Variants in FAM107B observed in about 807,000 individuals in gnomAD.
The protein encoded by FAM107B is protein FAM107B.
FAM107B carries 21 observed loss-of-function variants against 31.5 expected under a neutral mutation model. The ratio of observed to expected loss-of-function variants is 0.67; its 90% CI spans 0.47 to 0.96. The LOEUF is 0.96. FAM107B is among the 40% of genes least tolerant of loss of function. FAM107B has a pLI of 0.00. For missense variants in FAM107B, 452 were observed against 377.1 expected (o/e 1.20, Z -1.64); for synonymous variants, 157 against 141.5 (o/e 1.11, Z -0.78).
intron 1 of FAM107B, among the ~76,000 whole-genome samples, chr10:14,755,475 A>C (rs6602759): frequency 0.069 from 10,339 of 150,630 alleles, 994 homozygotes; most frequent in African/African-American, 0.21. Flanking sequence ...TGGGAGGCAG[A>C]GGTTGTGTGA....
chr10:14,623,758 G>A (rs1352446534), intron 2 of FAM107B, among the ~76,000 whole-genome samples: 1 of 152,178 alleles, frequency 6.6e-6, no homozygotes, highest in African/African-American at 2.4e-5. Context: ...CCTGGGAGGA[G>A]GAGGCCGCAG....
Position 14,543,691 on chromosome 10 carries a change from TAA to T in FAM107B, c.470-13178_470-13177del, listed in dbSNP as rs11318873. 3.9e-3 allele frequency among the ~76,000 whole-genome samples: 536 copies of T among 138,830 alleles called. 1 individual carries two copies. The highest frequency in any genetic ancestry group is 5.6e-3 in the African/African-American group (209 of 37,052). The allele number at this position is 138,830 out of a possible 152,430, so 91.1% of individuals were successfully genotyped here. On this transcript the variant is annotated intron_variant, in intron 2 of 4. Coordinates refer to ENST00000181796, the MANE Select transcript of FAM107B (RefSeq NM_031453.4). ...GTTCACTATCTGATCCTAAAAACTT[TAA>T]AAAAAAAAAAAAAAAACCAAAAACT...
At chr10:14,679,921 C>T (rs926665084) in intron 1 of FAM107B, among the ~76,000 whole-genome samples, 1 of 152,172 alleles carries the variant, frequency 6.6e-6, no homozygotes, top group Non-Finnish European at 1.5e-5. Context: ...TGCCCTCAAA[C>T]ATCGGACTCC....
At chr10:14,604,726 A>T (rs1339459173) in intron 2 of FAM107B, among the ~76,000 whole-genome samples, 1 of 148,304 alleles carries the variant, frequency 6.7e-6, no homozygotes, top group Non-Finnish European at 1.5e-5. Context: ...CTTTTTTCTC[A>T]CTCCCTCGTT....
chr10:14,768,025 G>A (rs1833220688), intron 1 of FAM107B, among the ~76,000 whole-genome samples: 1 of 151,824 alleles, frequency 6.6e-6, no homozygotes, highest in South Asian at 2.1e-4. Flanking sequence ...CTCTGAAAAG[G>A]AAATTAACAA....
chr10:14,675,215 C>G (rs1048707754), intron 1 of FAM107B, among the ~76,000 whole-genome samples: 3 of 152,164 alleles, frequency 2.0e-5, no homozygotes, highest in African/African-American at 7.2e-5. Context: ...AGACCATCCT[C>G]TCCATGGGAA....
chr10:14,644,445 G>A (rs560378641), intron 2 of FAM107B, among the ~76,000 whole-genome samples: 2 of 152,290 alleles, frequency 1.3e-5, no homozygotes, highest in South Asian at 4.1e-4. Flanking sequence ...TCTTTCATGC[G>A]TATGCTGCCT....
intron 2 of FAM107B, among the ~76,000 whole-genome samples, chr10:14,625,225 GA>G (rs36086660): frequency 0.14 from 16,230 of 117,620 alleles, 1,131 homozygotes; most frequent in Admixed American, 0.3. Context: ...GACTGTCTCA[GA>G]AAAAAAAAAA....
intron 2 of FAM107B, chr10:14,548,481 C>T: frequency 1.0e-6 from 1 of 985,688 alleles, no homozygotes; most frequent in Non-Finnish European, 1.2e-6. Context: ...CTCTGCAGTT[C>T]ACACGAGAAT....
At chr10:14,691,367 A>G (rs1385981911) in intron 1 of FAM107B, among the ~76,000 whole-genome samples, 1 of 152,232 alleles carries the variant, frequency 6.6e-6, no homozygotes, top group Non-Finnish European at 1.5e-5. Context: ...AGTCTAAGAC[A>G]TGATCAAGTG....
chr10:14,598,062 T>C (rs999375004), intron 2 of FAM107B, among the ~76,000 whole-genome samples: 1 of 152,236 alleles, frequency 6.6e-6, no homozygotes, highest in Non-Finnish European at 1.5e-5. Flanking sequence ...TCCCTTAAAC[T>C]TCTCAGATAT....
At chr10:14,591,608 G>T (rs1245168894) in intron 2 of FAM107B, among the ~76,000 whole-genome samples, 1 of 152,206 alleles carries the variant, frequency 6.6e-6, no homozygotes, top group Non-Finnish European at 1.5e-5. Context: ...AGTCATCGAT[G>T]AATGCTAACG....
chr10:14,683,916 C>A (rs1854911085), intron 1 of FAM107B, among the ~76,000 whole-genome samples: 1 of 152,214 alleles, frequency 6.6e-6, no homozygotes. Context: ...CTCTGGAAAA[C>A]AATGCACAGT....
At chr10:14,715,435 T>C (rs1310437718) in intron 1 of FAM107B, among the ~76,000 whole-genome samples, 1 of 152,214 alleles carries the variant, frequency 6.6e-6, no homozygotes, top group Non-Finnish European at 1.5e-5. Flanking sequence ...GAGTTTGTAT[T>C]AGTTATCTAT....
At chr10:14,727,645 G>A (rs1856068433) in intron 1 of FAM107B, among the ~76,000 whole-genome samples, 1 of 152,188 alleles carries the variant, frequency 6.6e-6, no homozygotes, top group South Asian at 2.1e-4. Flanking sequence ...CTTCTTAGAG[G>A]TTCCCTATGG....
intron 1 of FAM107B, among the ~76,000 whole-genome samples, chr10:14,675,486 T>A (rs1234830504): frequency 6.6e-6 from 1 of 152,120 alleles, no homozygotes; most frequent in Non-Finnish European, 1.5e-5. Flanking sequence ...CAAGGCCTGG[T>A]TCCATTTGTC....
chr10:14,571,276 T>G (rs1851202668), intron 2 of FAM107B, among the ~76,000 whole-genome samples: 1 of 152,170 alleles, frequency 6.6e-6, no homozygotes, highest in Admixed American at 6.5e-5. Context: ...TATGCATTTT[T>G]GGGGGTGACA....
chr10:14,774,274 T>C lies in FAM107B; in HGVS notation c.390A>G (p.Pro130=). 2 of 1,611,642 alleles carry C rather than the reference T, an allele frequency of 1.2e-6. No individual in the cohort carries two copies. Among genetic ancestry groups the C allele is most frequent in the Non-Finnish European group, 1.7e-6 (2 of 1,178,184 alleles). Residue 130 remains proline (P), a synonymous_variant, in exon 1 of 5, where the codon CCA becomes CCG. Transcript: ENST00000181796. ...AVVFHASIPR[P]SIIDTPKEEE... ...TCACCTTGGGCGTGTCAATAATTGA[T>C]GGTCTGGGGATGGAAGCGTGAAACA... is the stretch of plus-strand genomic sequence containing the variant.
intron 2 of FAM107B, among the ~76,000 whole-genome samples, chr10:14,632,625 AAAAG>A (rs1853396158): frequency 6.6e-6 from 1 of 151,884 alleles, no homozygotes; most frequent in Non-Finnish European, 1.5e-5. Context: ...AAAAAAAAAA[AAAAG>A]AGAATTCAGA....
Sources: allele counts gnomAD v4.1 joint callset (sites outside exome capture counted in the v4.1 genomes callset), GRCh38; gene constraint gnomAD v4.1.1; transcripts MANE v1.5; gene names NCBI Gene and HGNC (gene_info 2026-07-23, HGNC 2026-07-21).